CSTPP1: variants seen among roughly 807,000 people sequenced by gnomAD.
CSTPP1 encodes UPF0705 protein C11orf49.
the CSTPP1 span, among the ~76,000 whole-genome samples, chr11:47,118,284 T>C: frequency 1.3e-5 from 2 of 152,198 alleles, no homozygotes; most frequent in Admixed American, 6.5e-5. Flanking sequence ...TCTTGTGCCA[T>C]GGTTTTCAGC....
the CSTPP1 span, among the ~76,000 whole-genome samples, chr11:47,144,428 G>A: frequency 2.0e-5 from 3 of 152,074 alleles, no homozygotes; most frequent in Non-Finnish European, 2.9e-5. Context: ...GACCTCAAGC[G>A]ATCTGCCTAC....
chr11:47,086,871 A>G, the CSTPP1 span, among the ~76,000 whole-genome samples: 57 of 152,292 alleles, frequency 3.7e-4, no homozygotes, highest in Admixed American at 3.3e-3. Flanking sequence ...GACAATGTAA[A>G]CTTACTCCCT....
At chr11:46,963,392 A>T in the CSTPP1 span, among the ~76,000 whole-genome samples, 2 of 151,044 alleles carry the variant, frequency 1.3e-5, no homozygotes, top group African/African-American at 4.9e-5. Context: ...TATTGAGATG[A>T]TCAAGTAGTA....
At chr11:46,979,747 T>C in the CSTPP1 span, among the ~76,000 whole-genome samples, 1 of 152,154 alleles carries the variant, frequency 6.6e-6, no homozygotes, top group Admixed American at 6.5e-5. Flanking sequence ...ACCCTGTCTC[T>C]ACTAAAAGTA....
At chr11:46,975,524 T>C in the CSTPP1 span, among the ~76,000 whole-genome samples, 3 of 152,224 alleles carry the variant, frequency 2.0e-5, no homozygotes, top group African/African-American at 7.2e-5. Context: ...AACCCTCTTA[T>C]GTATATGTAT....
At chr11:47,152,310 G>A in the CSTPP1 span, among the ~76,000 whole-genome samples, 5 of 151,928 alleles carry the variant, frequency 3.3e-5, no homozygotes, top group Non-Finnish European at 5.9e-5. Flanking sequence ...CTGCTCTGAC[G>A]GACACTCCTA....
At chr11:47,009,056 C>T in the CSTPP1 span, among the ~76,000 whole-genome samples, 4 of 151,706 alleles carry the variant, frequency 2.6e-5, no homozygotes, top group Non-Finnish European at 4.4e-5. Flanking sequence ...ATTTCCCTAT[C>T]CAAGTGTGTG....
At chr11:47,079,007 G>A in the CSTPP1 span, among the ~76,000 whole-genome samples, 5 of 152,156 alleles carry the variant, frequency 3.3e-5, no homozygotes, top group South Asian at 2.1e-4. Context: ...CTAGGATGGC[G>A]TTTCCTTGGA....
chr11:47,097,130 C>A, the CSTPP1 span, among the ~76,000 whole-genome samples: 3 of 137,262 alleles, frequency 2.2e-5, no homozygotes, highest in Non-Finnish European at 3.2e-5. Flanking sequence ...TGGCCAGCCG[C>A]CCCGTCCGGG....
At chr11:47,041,847 G>C in the CSTPP1 span, 1 of 391,682 alleles carries the variant, frequency 2.6e-6, no homozygotes. Flanking sequence ...GGCTGCAACT[G>C]CAAGTGGTCT....
the CSTPP1 span, among the ~76,000 whole-genome samples, chr11:47,081,596 A>G: frequency 1.3e-5 from 2 of 152,210 alleles, no homozygotes; most frequent in Non-Finnish European, 2.9e-5. Flanking sequence ...TCACCAGCAC[A>G]TTTGTTATTG....
At chr11:47,094,823 G>A in the CSTPP1 span, among the ~76,000 whole-genome samples, 2 of 152,142 alleles carry the variant, frequency 1.3e-5, no homozygotes, top group Admixed American at 6.5e-5. Context: ...GAACAAAGAT[G>A]TTTAAGAAGA....
At chr11:47,052,299 C>T in the CSTPP1 span, 32 of 1,469,092 alleles carry the variant, frequency 2.2e-5, no homozygotes, top group Non-Finnish European at 2.6e-5. Flanking sequence ...CCGTTTTTGG[C>T]AGTGGTTCTC....
At chr11:46,992,605 A>G in the CSTPP1 span, among the ~76,000 whole-genome samples, 10 of 152,050 alleles carry the variant, frequency 6.6e-5, no homozygotes, top group Non-Finnish European at 1.3e-4. Context: ...TCCATGGTGT[A>G]TATGTGCCCA....
the CSTPP1 span, among the ~76,000 whole-genome samples, chr11:46,980,451 ATTCC>A: frequency 6.6e-6 from 1 of 152,220 alleles, no homozygotes; most frequent in East Asian, 1.9e-4. Context: ...ATAAAAGGTC[ATTCC>A]TTAATTTGCA....
the CSTPP1 span, among the ~76,000 whole-genome samples, chr11:47,011,086 T>G: frequency 6.6e-6 from 1 of 152,198 alleles, no homozygotes; most frequent in Non-Finnish European, 1.5e-5. Flanking sequence ...TTAAAACTAA[T>G]TTTTAAGTGG....
the CSTPP1 span, among the ~76,000 whole-genome samples, chr11:46,984,038 G>T: frequency 2.6e-5 from 4 of 152,156 alleles, no homozygotes; most frequent in Non-Finnish European, 2.9e-5. Flanking sequence ...TTGGTATGAA[G>T]GTGGGGGGAC....
chr11:47,148,228 A>C, the CSTPP1 span, among the ~76,000 whole-genome samples: 4 of 152,098 alleles, frequency 2.6e-5, no homozygotes, highest in Non-Finnish European at 5.9e-5. Flanking sequence ...CTGACATTCA[A>C]ACAAAAACCC....
At chr11:47,095,961 C>T in the CSTPP1 span, among the ~76,000 whole-genome samples, 1 of 152,054 alleles carries the variant, frequency 6.6e-6, no homozygotes, top group Non-Finnish European at 1.5e-5. Flanking sequence ...TACATAACAA[C>T]TAAGGGTACC....
Sources: allele counts gnomAD v4.1 joint callset (sites outside exome capture counted in the v4.1 genomes callset), GRCh38; gene constraint gnomAD v4.1.1; transcripts MANE v1.5; gene names NCBI Gene and HGNC (gene_info 2026-07-23, HGNC 2026-07-21).